The following VDAC1 variants were observed in gnomAD, a reference collection of about 807,000 sequenced individuals.
The protein encoded by VDAC1 is voltage dependent anion channel 1.
In VDAC1, 10 loss-of-function variants were observed where a neutral mutation model predicts 34.7. The observed-to-expected ratio is 0.29, with a 90% confidence interval of 0.18 to 0.49. The LOEUF is 0.49. VDAC1 is among the 20% of genes least tolerant of loss of function. The probability of loss-of-function intolerance (pLI) is 0.99; values close to 1 mark genes in which losing one functional copy is unlikely to be tolerated. For missense variants in VDAC1, 230 were observed against 347.9 expected (o/e 0.66, Z 2.69); for synonymous variants, 130 against 136.0 (o/e 0.96, Z 0.30).
At chr5:134,110,297 A>G in the VDAC1 span, among the ~76,000 whole-genome samples, 1 of 152,186 alleles carries the variant, frequency 6.6e-6, no homozygotes, top group Admixed American at 6.5e-5. Flanking sequence ...ATGAAGTCCG[A>G]GGGATGGAGC....
chr5:134,012,228 C>T, the VDAC1 span, among the ~76,000 whole-genome samples: 2 of 152,042 alleles, frequency 1.3e-5, no homozygotes, highest in Non-Finnish European at 2.9e-5. Context: ...GCCCTGATGC[C>T]CACTTAATTT....
chr5:134,068,334 G>GT, the VDAC1 span, among the ~76,000 whole-genome samples: 21,333 of 143,978 alleles, frequency 0.15, 1,755 homozygotes, highest in East Asian at 0.29. Flanking sequence ...ACTCCTATCA[G>GT]TTTTTTTTTT....
the VDAC1 span, among the ~76,000 whole-genome samples, chr5:134,084,874 T>A: frequency 6.6e-6 from 1 of 152,188 alleles, no homozygotes. Context: ...GGCATTTTCC[T>A]GATGAAGAAA....
At chr5:134,065,832 T>G in the VDAC1 span, among the ~76,000 whole-genome samples, 1 of 149,158 alleles carries the variant, frequency 6.7e-6, no homozygotes, top group East Asian at 2.0e-4. Flanking sequence ...TTCACTCTTT[T>G]GCCCAGGCTG....
Position 133,991,073 on chromosome 5 carries a change from A to C in VDAC1, c.199T>G (p.Tyr67Asp). ...SLETKYRWTE[Y>D]GLTFTEKWNT... ...CATTTCTCTGTAAACGTCAGGCCGT[A>C]CTCAGTCCATCTGTACTTGGTTTCC... The change falls in exon 4 of 9, where the codon TAC (tyrosine) becomes GAC (aspartate). Residue 67 changes from tyrosine (Y) to aspartate (D), a missense_variant. By Grantham distance (160) the Tyr-to-Asp change is radical. Transcript: ENST00000265333. The C allele has an allele frequency of 1.9e-6, 3 of 1,614,102 alleles. No homozygotes were observed. Among genetic ancestry groups the C allele is most frequent in the Non-Finnish European group, 1.7e-6 (2 of 1,180,044 alleles).
chr5:133,986,400 TTTTG>T (rs1752906638), intron 5 of VDAC1, among the ~76,000 whole-genome samples: 1 of 151,812 alleles, frequency 6.6e-6, no homozygotes, highest in Non-Finnish European at 1.5e-5. Flanking sequence ...AGAATTTTAG[TTTTG>T]TTTTTTTTTT....
the VDAC1 span, among the ~76,000 whole-genome samples, chr5:134,081,288 C>T: frequency 3.3e-5 from 5 of 152,254 alleles, no homozygotes; most frequent in South Asian, 2.1e-4. Context: ...CTGCCCGCCT[C>T]GGCCTCCCAA....
the VDAC1 span, among the ~76,000 whole-genome samples, chr5:134,040,659 G>A: frequency 3.7e-4 from 56 of 152,236 alleles, 1 homozygote; most frequent in South Asian, 0.011. Context: ...TCAAGGAGGT[G>A]GAGGTTGCGG....
At chr5:134,088,482 C>A in the VDAC1 span, among the ~76,000 whole-genome samples, 1 of 152,272 alleles carries the variant, frequency 6.6e-6, no homozygotes, top group East Asian at 1.9e-4. Context: ...ATGGAGGAGG[C>A]AAGGGAGAGC....
intron 7 of VDAC1, among the ~76,000 whole-genome samples, chr5:133,974,103 G>A (rs1385167569): frequency 2.6e-5 from 4 of 152,126 alleles, no homozygotes; most frequent in Non-Finnish European, 5.9e-5. Context: ...GCCTCTTAGG[G>A]GCCAGTGTCC....
chr5:134,063,423 T>A, the VDAC1 span, among the ~76,000 whole-genome samples: 6 of 152,358 alleles, frequency 3.9e-5, no homozygotes, highest in South Asian at 1.2e-3. Context: ...TCCTTACCTA[T>A]GTATAATCCC....
chr5:134,021,984 G>A, the VDAC1 span, among the ~76,000 whole-genome samples: 17 of 151,610 alleles, frequency 1.1e-4, no homozygotes, highest in East Asian at 1.8e-3. Context: ...TTCTCCAAGC[G>A]ATTCTCCTGC....
chr5:134,024,256 C>T, the VDAC1 span, among the ~76,000 whole-genome samples: 2 of 151,852 alleles, frequency 1.3e-5, no homozygotes, highest in Non-Finnish European at 2.9e-5. Flanking sequence ...AGGCCGGGTG[C>T]GGTCACTCAC....
the VDAC1 span, among the ~76,000 whole-genome samples, chr5:134,024,435 A>T: frequency 1.2e-4 from 18 of 151,274 alleles, no homozygotes; most frequent in Non-Finnish European, 2.7e-4. Context: ...AGGCCGAAGC[A>T]GGAGAATTGC....
chr5:134,055,043 A>G, the VDAC1 span, among the ~76,000 whole-genome samples: 1 of 152,186 alleles, frequency 6.6e-6, no homozygotes, highest in African/African-American at 2.4e-5. Flanking sequence ...CTCTCTGTGC[A>G]CATAAACGGA....
At chr5:133,995,593 G>A (rs1753268926) in intron 1 of VDAC1, among the ~76,000 whole-genome samples, 1 of 151,754 alleles carries the variant, frequency 6.6e-6, no homozygotes, top group Admixed American at 6.6e-5. Flanking sequence ...TTCACTAAAG[G>A]CCCCCAACTG....
the VDAC1 span, among the ~76,000 whole-genome samples, chr5:134,056,618 T>C: frequency 1.3e-5 from 2 of 152,256 alleles, no homozygotes; most frequent in South Asian, 4.1e-4. Context: ...TGAACATTCT[T>C]GAACATAACT....
the VDAC1 span, among the ~76,000 whole-genome samples, chr5:134,031,521 C>A: frequency 6.6e-6 from 1 of 152,074 alleles, no homozygotes; most frequent in Non-Finnish European, 1.5e-5. Flanking sequence ...TGCAATGTGA[C>A]CAGGAAAGTA....
the VDAC1 span, among the ~76,000 whole-genome samples, chr5:134,090,127 A>G: frequency 2.0e-5 from 3 of 152,182 alleles, no homozygotes; most frequent in Admixed American, 6.5e-5. Flanking sequence ...CAGTCCCCAC[A>G]TTCAGGCCAA....
Sources: gnomAD v4.1 joint callset for allele counts (sites outside exome capture counted in the v4.1 genomes callset) on GRCh38, gnomAD v4.1.1 for gene constraint, MANE v1.5 for transcripts, NCBI Gene and HGNC (gene_info 2026-07-23, HGNC 2026-07-21) for gene names.